The following FAM131A variants were observed in gnomAD, a reference collection of about 807,000 sequenced individuals.
FAM131A encodes protein FAM131A.
In FAM131A, 24 loss-of-function variants were observed where a neutral mutation model predicts 39.2. That is an observed-to-expected ratio of 0.61 (90% CI 0.44 to 0.86). The LOEUF is 0.86. Ranked by LOEUF, FAM131A falls within the 40% of genes least tolerant of loss-of-function variation. The probability of loss-of-function intolerance (pLI) is 0.00; values close to 1 mark genes in which losing one functional copy is unlikely to be tolerated. For synonymous variants in FAM131A, 202 were observed against 206.8 expected (o/e 0.98, Z 0.20); for missense variants, 373 against 481.2 (o/e 0.78, Z 2.10).
chr3:184,337,419 C>T, upstream of FAM131A: 1 of 580,812 alleles, frequency 1.7e-6, no homozygotes. Context: ...GGGAATGGGC[C>T]TCAGCTCCCC....
At chr3:184,340,853 C>CGTCTG (rs1388616571) in intron 2 of FAM131A, 1 of 152,296 alleles carries the variant, frequency 6.6e-6, no homozygotes, top group Non-Finnish European at 1.5e-5. Flanking sequence ...GGAGGACAGA[C>CGTCTG]TACCAAGAGG....
At chr3:184,335,936 C>T (rs1727054591), upstream of FAM131A, 1 of 152,274 alleles carries the variant, frequency 6.6e-6, no homozygotes, top group Non-Finnish European at 1.5e-5. Flanking sequence ...GTCACCGGCC[C>T]GGTTCCCTCT....
At chr3:184,336,712 C>CA (rs1423808854), upstream of FAM131A, among the ~76,000 whole-genome samples, 2 of 152,242 alleles carry the variant, frequency 1.3e-5, no homozygotes, top group East Asian at 3.9e-4. This position sits in a 1 kb window ranked among gnomAD's most constrained non-coding sequence, Gnocchi z 5.5. Context: ...AATCACCTCT[C>CA]ACCTATTACA....
Position 184,337,636 on chromosome 3 carries a change from T to C in FAM131A, c.6T>C (p.Pro2=). Residue 2 remains proline, a synonymous_variant, in exon 1 of 6, where the codon CCT becomes CCC. Transcript: ENST00000383847. ...TCTGCATCAACACAGCCAGCATGCCTATGATTTCTGTGCTGGGCAAAATGT... is the reference window on the plus strand; with the variant it reads ...TCTGCATCAACACAGCCAGCATGCCCATGATTTCTGTGCTGGGCAAAATGT... M[P]MISVLGKMFL... is the part of the protein sequence containing the mutation. 6.5e-7 allele frequency: 1 copy of C among 1,537,266 alleles called. No individual in the cohort carries two copies. The highest frequency in any genetic ancestry group is 2.4e-5 in the East Asian group (1 of 40,902).
At chr3:184,336,707 C>T (rs902433747), upstream of FAM131A, among the ~76,000 whole-genome samples, 1 of 152,350 alleles carries the variant, frequency 6.6e-6, no homozygotes, top group South Asian at 2.1e-4. The surrounding 1 kb of genome is among the most constrained non-coding windows in gnomAD (Gnocchi z 5.5). Flanking sequence ...CACTGAATCA[C>T]CTCTCACCTA....
Position 184,342,787 on chromosome 3 carries a change from A to G in FAM131A, c.552A>G (p.Ala184=), listed in dbSNP as rs145559471. ...CCATCGCGGAAGCCAAGCTCCGAGC[A>G]TGGTCTTCGGTGGATGGCGAGGACT... ...QFAIAEAKLR[A]WSSVDGEDST... Residue 184 remains alanine, a synonymous_variant, in exon 5 of 6, where the codon GCA becomes GCG. Coordinates refer to ENST00000383847, the MANE Select transcript of FAM131A (RefSeq NM_144635.5). The surrounding 1 kb of genome is among the most constrained non-coding windows in gnomAD (Gnocchi z 4.6). The G allele has an allele frequency of 1.8e-5, 29 of 1,613,734 alleles. No individual in the cohort carries two copies. In the African/African-American group the frequency reaches 2.3e-4, roughly 13 times the overall value.
rs771969220 is a variant in FAM131A at position 184,341,777 on chromosome 3, T to C, written c.285T>C (p.Thr95=). 9 of 1,613,678 alleles carry C rather than the reference T, an allele frequency of 5.6e-6. No homozygotes were observed. Among genetic ancestry groups the C allele is most frequent in the South Asian group, 1.1e-5 (1 of 91,090 alleles). Residue 95 remains threonine, a synonymous_variant, in exon 3 of 6, where the codon ACT becomes ACC. Coordinates refer to ENST00000383847, the MANE Select transcript of FAM131A (RefSeq NM_144635.5). ...AMLPKSRRAL[T]IQEIAALARS... is the part of the protein sequence containing the mutation. ...TGCCCAAGTCCCGGCGAGCCCTAACTATCCAGGAGATCGCTGCGCTGGCCA... is the reference window on the plus strand; with the variant it reads ...TGCCCAAGTCCCGGCGAGCCCTAACCATCCAGGAGATCGCTGCGCTGGCCA...
chr3:184,341,907 T>TG, intron 3 of FAM131A, 90 bp downstream of exon 3: 1 of 1,520,604 alleles, frequency 6.6e-7, no homozygotes, highest in South Asian at 1.1e-5. Context: ...GAGTACATGC[T>TG]GGGGTCTCCC....
In FAM131A at chr3:184,344,737, G is replaced by GA; in HGVS notation, c.871dup (p.Ser291LysfsTer57). 6.2e-7 allele frequency: 1 copy of GA among 1,612,434 alleles called. No homozygotes were observed. Among genetic ancestry groups the GA allele is most frequent in the South Asian group, 1.1e-5 (1 of 91,090 alleles). Reference sequence around the variant, plus strand: ...TCTCGCCAAACTGCCCCCCAGCCGGGAAAGTGCCTTCCGCAGCCTGGGCCC... The same window carrying GA: ...TCTCGCCAAACTGCCCCCCAGCCGGGAAAAGTGCCTTCCGCAGCCTGGGCCC... On this transcript the variant is annotated frameshift_variant, in exon 6 of 6. Coordinates refer to ENST00000383847, the MANE Select transcript of FAM131A (RefSeq NM_144635.5). LOFTEE classifies it high-confidence loss of function.
At chr3:184,338,296 G>T in intron 1 of FAM131A, 91 bp from the exon 2 acceptor site, 1 of 1,318,500 alleles carries the variant, frequency 7.6e-7, no homozygotes, top group Non-Finnish European at 9.8e-7. Flanking sequence ...GGTGGGGGAG[G>T]GGCCGAGAAA....
rs1199153985 is a variant in FAM131A at position 184,344,566 on chromosome 3, G to A, written c.697G>A (p.Val233Met). ...CACCGGCCACCGGTTCTCCCGGCCT[G>A]TGCGCCAGGGCTCCGTGGAGCCTGA... ...LFTGHRFSRP[V>M]RQGSVEPESD... Residue 233 changes from valine (V) to methionine (M), a missense_variant, in exon 6 of 6, where the codon GTG becomes ATG. By Grantham distance (21) the Val-to-Met change is conservative. Transcript: ENST00000383847. The A allele has an allele frequency of 1.9e-6, 3 of 1,606,060 alleles. No homozygotes were observed. The South Asian group carries it at 3.3e-5, about 18-fold the overall frequency.
At chr3:184,344,462 G>A in intron 5 of FAM131A, 33 bp from the exon 6 acceptor site, 1 of 1,508,164 alleles carries the variant, frequency 6.6e-7, no homozygotes, top group South Asian at 1.3e-5. Flanking sequence ...AATGGAGCCA[G>A]CAGGACTGTC....
chr3:184,344,713 C>A lies in FAM131A; in HGVS notation c.844C>A (p.Leu282Ile). The change falls in exon 6 of 6, where the codon CTC (leucine) becomes ATC (isoleucine). Residue 282 changes from leucine to isoleucine, a missense_variant. By Grantham distance (5) the Leu-to-Ile change is conservative. Around this residue, in one of 2 missense-constraint regions of FAM131A, gnomAD observed 152 missense variants for 133.5 expected, o/e 1.14. Transcript: ENST00000383847. The stretch of plus-strand genomic sequence containing the variant: ...CCAGCTGCTGGGCGATGAGCTGCTT[C>A]TCGCCAAACTGCCCCCCAGCCGGGA... ...ASQLLGDELLLAKLPPSRESA... is the reference protein window; with the variant it reads ...ASQLLGDELLIAKLPPSRESA... 6.2e-7 allele frequency: 1 copy of A among 1,612,372 alleles called. No homozygotes were observed. Among genetic ancestry groups the A allele is most frequent in the Non-Finnish European group, 8.5e-7 (1 of 1,179,966 alleles).
chr3:184,338,316 A>G, intron 1 of FAM131A, 71 bp from the exon 2 acceptor site: 2 of 1,388,412 alleles, frequency 1.4e-6, no homozygotes, highest in African/African-American at 3.0e-5. Flanking sequence ...ATGATACGGC[A>G]ATACTGGATG....
At position 184,344,677 on chromosome 3, in the gene FAM131A, C is replaced by T. The variant is rs779128770; in HGVS notation, c.808C>T (p.Arg270Trp). 1.2e-5 allele frequency: 20 copies of T among 1,612,344 alleles called. No individual in the cohort carries two copies. The highest frequency in any genetic ancestry group is 4.5e-5 in the East Asian group (2 of 44,890). Residue 270 changes from arginine to tryptophan, a missense_variant, in exon 6 of 6, where the codon CGG becomes TGG. By Grantham distance (101) the Arg-to-Trp change is moderately radical. Around this residue, in one of 2 missense-constraint regions of FAM131A, gnomAD observed 152 missense variants for 133.5 expected, o/e 1.14. Transcript: ENST00000383847. Reference protein sequence around the residue: ...LEDGLLGSPARLASQLLGDEL... With the variant: ...LEDGLLGSPAWLASQLLGDEL... ...GGATGGGTTGTTGGGCTCCCCGGCC[C>T]GGCTGGCCTCCCAGCTGCTGGGCGA...
rs769551595 is a variant in FAM131A at position 184,344,688 on chromosome 3, C to G, written c.819C>G (p.Ser273=). 6 of 1,612,492 alleles carry G rather than the reference C, an allele frequency of 3.7e-6. No homozygotes were observed. The highest frequency in any genetic ancestry group is 3.3e-5 in the South Asian group (3 of 91,020). The part of the protein sequence containing the change: ...GLLGSPARLA[S]QLLGDELLLA... ...TGGGCTCCCCGGCCCGGCTGGCCTC[C>G]CAGCTGCTGGGCGATGAGCTGCTTC... The change falls in exon 6 of 6, where the codon TCC becomes TCG. Residue 273 remains serine (S), a synonymous_variant. Coordinates refer to ENST00000383847, the MANE Select transcript of FAM131A (RefSeq NM_144635.5).
In FAM131A at chr3:184,344,561, G is replaced by A. The variant is rs780658169; in HGVS notation, c.692G>A (p.Arg231Gln). ...QDLFTGHRFS[R>Q]PVRQGSVEPE... ...CTGTTCACCGGCCACCGGTTCTCCC[G>A]GCCTGTGCGCCAGGGCTCCGTGGAG... The change falls in exon 6 of 6, where the codon CGG (arginine) becomes CAG (glutamine). Residue 231 changes from arginine (R) to glutamine (Q), a missense_variant. Around this residue, in one of 2 missense-constraint regions of FAM131A, gnomAD observed 221 missense variants for 347.7 expected, o/e 0.64. Coordinates refer to ENST00000383847, the MANE Select transcript of FAM131A (RefSeq NM_144635.5). 10 of 1,603,082 alleles carry A rather than the reference G, an allele frequency of 6.2e-6. No individual in the cohort carries two copies. The highest frequency in any genetic ancestry group is 3.4e-5 in the Admixed American group (2 of 58,998).
rs1727443151 is a variant in FAM131A at position 184,342,751 on chromosome 3, T to C, written c.516T>C (p.Ala172=). 1 of 1,613,330 alleles carries C rather than the reference T, an allele frequency of 6.2e-7. No homozygotes were observed. Among genetic ancestry groups the C allele is most frequent in the East Asian group, 2.2e-5 (1 of 44,858 alleles). ...EQEARFAAGV[A]EQFAIAEAKL... Reference sequence around the variant, plus strand: ...ATTCTGTCCCTGCGACAGGAGTGGCTGAGCAGTTTGCCATCGCGGAAGCCA... The same window carrying C: ...ATTCTGTCCCTGCGACAGGAGTGGCCGAGCAGTTTGCCATCGCGGAAGCCA... Residue 172 remains alanine (A), a synonymous_variant, in exon 5 of 6, where the codon GCT becomes GCC. Transcript: ENST00000383847. The surrounding 1 kb of genome is among the most constrained non-coding windows in gnomAD (Gnocchi z 4.6).
chr3:184,338,672 G>C, intron 2 of FAM131A, 143 bp downstream of exon 2: 5 of 1,089,582 alleles, frequency 4.6e-6, no homozygotes, highest in Non-Finnish European at 6.4e-6. Flanking sequence ...CCGGGAGGCC[G>C]CCCCCGTGCC....
Sources: gnomAD v4.1 joint callset for allele counts (sites outside exome capture counted in the v4.1 genomes callset) on GRCh38, gnomAD v4.1.1 for gene constraint, gnomAD v4.1.1 regional missense constraint, Gnocchi (gnomAD v3.1) non-coding constraint, MANE v1.5 for transcripts, NCBI Gene and HGNC (gene_info 2026-07-23, HGNC 2026-07-21) for gene names.